Variants in SHANK2 observed in about 807,000 individuals in gnomAD.
SHANK2 encodes the protein SH3 and multiple ankyrin repeat domains 2.
A neutral mutation model predicts 133.7 loss-of-function variants in SHANK2; 43 were observed. The ratio of observed to expected loss-of-function variants is 0.32; its 90% confidence interval spans 0.25 to 0.41. The LOEUF (loss-of-function observed/expected upper bound fraction) is 0.41, where lower values mean the gene tolerates loss of function less well. SHANK2 is among the 10% of genes least tolerant of loss of function. The pLI, the probability that SHANK2 is intolerant of heterozygous loss-of-function variation, is 1.00. For synonymous variants in SHANK2, 1,017 were observed against 952.8 expected (o/e 1.07, Z -1.24); for missense variants, 1,994 against 2,235.8 (o/e 0.89, Z 2.18).
At chr11:70,786,069 G>C (rs976751334) in intron 14 of SHANK2, among the ~76,000 whole-genome samples, 1 of 152,156 alleles carries the variant, frequency 6.6e-6, no homozygotes, top group Non-Finnish European at 1.5e-5. Context: ...CAGGGTAAGC[G>C]GGACCGTGCC....
chr11:70,820,021 G>A (rs1482374630), intron 12 of SHANK2, among the ~76,000 whole-genome samples: 1 of 152,146 alleles, frequency 6.6e-6, no homozygotes, highest in Non-Finnish European at 1.5e-5. Flanking sequence ...TCTCCCTCTT[G>A]ACATTTCACT....
chr11:70,678,769 C>T (rs1408261520), intron 15 of SHANK2, among the ~76,000 whole-genome samples: 2 of 151,974 alleles, frequency 1.3e-5, no homozygotes, highest in African/African-American at 4.8e-5. Context: ...TCTCAAATTC[C>T]TGACCTTGTG....
chr11:70,938,575 C>T (rs984042750), intron 10 of SHANK2, among the ~76,000 whole-genome samples: 1 of 152,202 alleles, frequency 6.6e-6, no homozygotes, highest in Non-Finnish European at 1.5e-5. Flanking sequence ...TCACAGCCAC[C>T]TGTACGGGTC....
chr11:70,778,120 A>C (rs1947404530), intron 14 of SHANK2, among the ~76,000 whole-genome samples: 1 of 152,224 alleles, frequency 6.6e-6, no homozygotes, highest in South Asian at 2.1e-4. Flanking sequence ...AAGCTGAGTA[A>C]CTTGCCCAAG....
chr11:71,082,946 C>A (rs1383985428), intron 8 of SHANK2, among the ~76,000 whole-genome samples: 28 of 145,568 alleles, frequency 1.9e-4, no homozygotes, highest in East Asian at 6.2e-4. Context: ...AACGCCCGCC[C>A]CCCCCCCAAC....
At chr11:70,749,853 C>T (rs1026356096) in intron 14 of SHANK2, among the ~76,000 whole-genome samples, 3 of 151,878 alleles carry the variant, frequency 2.0e-5, no homozygotes, top group Middle Eastern at 6.8e-3. Flanking sequence ...TGTCAGGGTT[C>T]CAAAGGACAG....
intron 11 of SHANK2, among the ~76,000 whole-genome samples, chr11:70,859,353 G>T (rs1383887832): frequency 1.3e-5 from 2 of 152,142 alleles, no homozygotes; most frequent in African/African-American, 4.8e-5. Flanking sequence ...TGGATGAATG[G>T]AGAAGTTGGT....
chr11:70,818,873 CAT>C (rs1948458736), intron 12 of SHANK2, among the ~76,000 whole-genome samples: 1 of 152,242 alleles, frequency 6.6e-6, no homozygotes, highest in African/African-American at 2.4e-5. Context: ...GGCTGCTGGT[CAT>C]AGTCAGGGTG....
rs557121637 is a variant in SHANK2, at chr11:70,485,855, G to C, written c.4438C>G (p.Pro1480Ala). Reference sequence around the variant, plus strand: ...TCGGCGACGGCGTCAAAGCTTTCAGGGGGTGGCAGGAATGAGGCAGGCAGA... The same window carrying C: ...TCGGCGACGGCGTCAAAGCTTTCAGCGGGTGGCAGGAATGAGGCAGGCAGA... ...NCLPASFLPP[P>A]ESFDAVADSG... The change falls in exon 25 of 26, where the codon CCT (proline) becomes GCT (alanine). Residue 1480 changes from proline (P) to alanine (A), a missense_variant. Around this residue, in one of 5 missense-constraint regions of SHANK2, gnomAD observed 797 missense variants for 907.4 expected, o/e 0.88. Transcript: ENST00000601538. This position sits in a 1 kb window ranked among gnomAD's most constrained non-coding sequence, Gnocchi z 5.8. The C allele has an allele frequency of 2.5e-6, 4 of 1,614,094 alleles. No homozygotes were observed. Among genetic ancestry groups the C allele is most frequent in the Non-Finnish European group, 1.7e-6 (2 of 1,180,046 alleles).
At chr11:71,168,652 G>A (rs1953241604) in intron 2 of SHANK2, among the ~76,000 whole-genome samples, 1 of 152,182 alleles carries the variant, frequency 6.6e-6, no homozygotes, top group Non-Finnish European at 1.5e-5. Context: ...GCGAAACCCT[G>A]TCTCCACCAA....
intron 2 of SHANK2, among the ~76,000 whole-genome samples, chr11:71,167,215 G>A (rs1185868182): frequency 2.6e-5 from 4 of 152,280 alleles, no homozygotes; most frequent in South Asian, 2.1e-4. Flanking sequence ...GCAACCATCC[G>A]ATTCTCAATC....
intron 3 of SHANK2, among the ~76,000 whole-genome samples, chr11:71,125,578 A>G (rs1348294614): frequency 6.6e-6 from 1 of 152,224 alleles, no homozygotes; most frequent in African/African-American, 2.4e-5. Context: ...AAACCAGCAG[A>G]GGTTTATTCA....
At chr11:70,859,028 A>C (rs1949215064) in intron 11 of SHANK2, among the ~76,000 whole-genome samples, 3 of 152,254 alleles carry the variant, frequency 2.0e-5, no homozygotes, top group Admixed American at 2.0e-4. Flanking sequence ...CTAGAGTCAT[A>C]AAATGTTTAC....
chr11:70,602,542 C>T (rs1281932771), intron 17 of SHANK2, among the ~76,000 whole-genome samples: 1 of 152,200 alleles, frequency 6.6e-6, no homozygotes, highest in Non-Finnish European at 1.5e-5. Context: ...TGGGACGGGT[C>T]ACAACACCAG....
At chr11:71,166,866 G>A (rs1356472917) in intron 2 of SHANK2, among the ~76,000 whole-genome samples, 1 of 144,278 alleles carries the variant, frequency 6.9e-6, no homozygotes, top group Non-Finnish European at 1.5e-5. Flanking sequence ...CAGGACAATA[G>A]TGGAGGGAAG....
intron 15 of SHANK2, among the ~76,000 whole-genome samples, chr11:70,685,745 T>G (rs1391645655): frequency 1.3e-5 from 2 of 152,156 alleles, no homozygotes; most frequent in Admixed American, 6.5e-5. Flanking sequence ...TGAGCACTTT[T>G]CATGACATAC....
rs576063721 is a variant in SHANK2 at position 70,650,510 on chromosome 11, G to A, written c.2061+9318C>T. On this transcript the variant is annotated intron_variant, in intron 17 of 25. Coordinates refer to ENST00000601538, the MANE Select transcript of SHANK2 (RefSeq NM_012309.5). ...TGGAGAGAGACCATGCCACACAAGG[G>A]TTCAGCACCCTGGAGAGATCCAGCA... Among the ~76,000 whole-genome samples, 13 of 152,260 alleles carry A rather than the reference G, an allele frequency of 8.5e-5. No homozygotes were observed. The South Asian group carries it at 2.7e-3, about 32-fold the overall frequency.
chr11:71,157,755 G>C (rs1555109314), intron 2 of SHANK2, among the ~76,000 whole-genome samples: 1 of 152,216 alleles, frequency 6.6e-6, no homozygotes, highest in African/African-American at 2.4e-5. Flanking sequence ...CTCTTAGCCT[G>C]TTTGTGATAT....
Position 70,702,501 on chromosome 11 carries a change from A to G in SHANK2, c.1778-3738T>C, listed in dbSNP as rs114802620. On this transcript the variant is annotated intron_variant, in intron 14 of 25. Transcript: ENST00000601538. ...TCATCATCATGACCCCATCACCATC[A>G]TCAGCACCACCATCCTCTTCTTCAC... 1.5e-3 allele frequency among the ~76,000 whole-genome samples: 234 copies of G among 152,132 alleles called. 1 individual carries two copies. The highest frequency in any genetic ancestry group is 6.8e-3 in the Middle Eastern group (2 of 294).
Sources: gnomAD v4.1 joint callset for allele counts (sites outside exome capture counted in the v4.1 genomes callset) on GRCh38, gnomAD v4.1.1 for gene constraint, gnomAD v4.1.1 regional missense constraint, Gnocchi (gnomAD v3.1) non-coding constraint, MANE v1.5 for transcripts, NCBI Gene and HGNC (gene_info 2026-07-23, HGNC 2026-07-21) for gene names.